CFAP92: variants seen among roughly 807,000 people sequenced by gnomAD.
CFAP92 encodes cilia and flagella associated protein 92 (putative).
CFAP92 carries 86 observed loss-of-function variants against 106.3 expected under a neutral mutation model. The observed-to-expected ratio is 0.81, with a 90% confidence interval of 0.68 to 0.97. The LOEUF is 0.97. CFAP92 is among the 50% of genes least tolerant of loss of function. The probability of loss-of-function intolerance (pLI) is 0.00; values close to 1 mark genes in which losing one functional copy is unlikely to be tolerated. For synonymous variants in CFAP92, 477 were observed against 506.4 expected, an observed-to-expected ratio of 0.94 and a Z score of 0.78; for missense variants, 1,204 against 1,283.8, an observed-to-expected ratio of 0.94 and a Z score of 0.95.
intron 12 of CFAP92, among the ~76,000 whole-genome samples, chr3:128,927,182 C>T (rs1342069252): frequency 1.3e-5 from 2 of 152,078 alleles, no homozygotes; most frequent in Non-Finnish European, 2.9e-5. Flanking sequence ...TGGTGGCCAC[C>T]TACAAGCCAA....
intron 3 of CFAP92, among the ~76,000 whole-genome samples, chr3:128,988,169 GCA>G (rs915003289): frequency 1.3e-5 from 2 of 152,154 alleles, no homozygotes; most frequent in African/African-American, 2.4e-5. Flanking sequence ...CTGCACACAT[GCA>G]CACACACAGA....
intron 4 of CFAP92, among the ~76,000 whole-genome samples, chr3:128,987,165 GA>G (rs374745110): frequency 6.7e-5 from 10 of 150,324 alleles, no homozygotes; most frequent in African/African-American, 2.0e-4. Context: ...CATCTCGAAA[GA>G]AAAAAAAAGA....
At chr3:128,999,683 C>T (rs189682593) in intron 1 of CFAP92, among the ~76,000 whole-genome samples, 40 of 151,976 alleles carry the variant, frequency 2.6e-4, no homozygotes, top group Non-Finnish European at 5.6e-4. Context: ...GGATTACAGG[C>T]GCCTGCCACC....
At chr3:128,977,974 G>A in intron 5 of CFAP92, 71 bp downstream of exon 5, 1 of 1,594,242 alleles carries the variant, frequency 6.3e-7, no homozygotes, top group South Asian at 1.1e-5. Context: ...CATTGCTCCA[G>A]CACACCACAC....
chr3:128,948,815 C>A (rs1334771283), intron 9 of CFAP92, among the ~76,000 whole-genome samples: 4 of 152,198 alleles, frequency 2.6e-5, no homozygotes, highest in African/African-American at 9.6e-5. Context: ...CAGGCGTGAG[C>A]CACCGTGCCC....
intron 8 of CFAP92, chr3:128,969,499 G>C (rs903349877): frequency 5.3e-5 from 8 of 152,170 alleles, no homozygotes; most frequent in African/African-American, 1.4e-4. Context: ...TTAAACCTGG[G>C]GGGGCAGAGG....
chr3:129,015,048 C>T, the CFAP92 span, among the ~76,000 whole-genome samples: 3 of 152,202 alleles, frequency 2.0e-5, no homozygotes, highest in Non-Finnish European at 2.9e-5. Flanking sequence ...ATCAGAACCA[C>T]GGACCACACA....
chr3:128,923,236 G>C (rs1337792098), intron 12 of CFAP92, among the ~76,000 whole-genome samples: 1 of 152,196 alleles, frequency 6.6e-6, no homozygotes. Flanking sequence ...CATGGAGGGG[G>C]TTCCCCCAGT....
At chr3:128,984,853 C>T (rs1209074190) in intron 4 of CFAP92, among the ~76,000 whole-genome samples, 1 of 152,212 alleles carries the variant, frequency 6.6e-6, no homozygotes, top group African/African-American at 2.4e-5. Context: ...CCCTTCATAA[C>T]ATGAGGCAGA....
chr3:128,965,731 C>G (rs1023540304), intron 8 of CFAP92, 36 bp from the exon 9 acceptor site: 1 of 398,206 alleles, frequency 2.5e-6, no homozygotes, highest in Non-Finnish European at 4.4e-6. Context: ...ACCTTTCCTC[C>G]CGACACCCCC....
chr3:128,993,900 G>A, intron 1 of CFAP92, 80 bp downstream of exon 1: 1 of 949,372 alleles, frequency 1.1e-6, no homozygotes, highest in Non-Finnish European at 1.3e-6. Context: ...CACGCATCGA[G>A]GCGAGGCGGG....
intron 2 of CFAP92, among the ~76,000 whole-genome samples, chr3:128,989,420 G>T (rs1043270584): frequency 6.6e-6 from 1 of 152,134 alleles, no homozygotes; most frequent in Non-Finnish European, 1.5e-5. Context: ...CTCCCAGGGG[G>T]ACCTTAGCAG....
At chr3:128,916,652 G>T (rs1327970746) in intron 12 of CFAP92, among the ~76,000 whole-genome samples, 5 of 152,226 alleles carry the variant, frequency 3.3e-5, no homozygotes, top group African/African-American at 1.2e-4. Context: ...CCTTGACCAT[G>T]GTTAACTGTC....
chr3:128,977,998 G>T, intron 5 of CFAP92, 47 bp downstream of exon 5: 1 of 1,609,970 alleles, frequency 6.2e-7, no homozygotes, highest in Non-Finnish European at 8.5e-7. Flanking sequence ...CGCTTTCCCT[G>T]CCATCGCCTT....
intron 1 of CFAP92, among the ~76,000 whole-genome samples, chr3:129,000,310 T>C (rs1246906288): frequency 1.3e-5 from 2 of 152,240 alleles, no homozygotes; most frequent in East Asian, 1.9e-4. Flanking sequence ...CCAGCAGATA[T>C]GTACTCTGGG....
intron 9 of CFAP92, among the ~76,000 whole-genome samples, chr3:128,952,500 A>C (rs1022051168): frequency 2.0e-5 from 3 of 152,232 alleles, no homozygotes; most frequent in Non-Finnish European, 4.4e-5. Context: ...GGGAAAAACC[A>C]ATGAACAGAC....
chr3:128,974,288 C>T (rs1025394020), intron 7 of CFAP92, among the ~76,000 whole-genome samples: 3 of 152,162 alleles, frequency 2.0e-5, no homozygotes, highest in African/African-American at 7.2e-5. Context: ...GCTAAAAGGA[C>T]GTGAAATGGC....
the CFAP92 span, among the ~76,000 whole-genome samples, chr3:129,016,517 G>A: frequency 6.6e-6 from 1 of 151,368 alleles, no homozygotes; most frequent in African/African-American, 2.4e-5. Context: ...TAGAGCCTCT[G>A]GGGAAGCCCA....
At chr3:128,963,807 CA>C (rs1270534112) in intron 9 of CFAP92, among the ~76,000 whole-genome samples, 11 of 150,064 alleles carry the variant, frequency 7.3e-5, no homozygotes, top group African/African-American at 2.2e-4. Flanking sequence ...AATAACTTCT[CA>C]GTGTTCCATC....
Sources: allele counts gnomAD v4.1 joint callset (sites outside exome capture counted in the v4.1 genomes callset), GRCh38; gene constraint gnomAD v4.1.1; transcripts MANE v1.5; gene names NCBI Gene and HGNC (gene_info 2026-07-23, HGNC 2026-07-21).